STK39: variants seen among roughly 807,000 people sequenced by gnomAD.
STK39 encodes the protein STE20/SPS1-related proline-alanine-rich protein kinase.
Under a neutral mutation model 77.8 loss-of-function variants are expected in STK39, and 20 were observed. The observed-to-expected ratio is 0.26, with a 90% confidence interval of 0.18 to 0.37. The LOEUF (loss-of-function observed/expected upper bound fraction) is 0.37. Among genes scored for constraint, STK39 ranks in the 10% least tolerant of loss-of-function variants. The pLI, the probability that STK39 is intolerant of heterozygous loss-of-function variation, is 1.00. For missense variants in STK39, 479 were observed against 656.5 expected (o/e 0.73, Z 2.95); for synonymous variants, 246 against 234.1 (o/e 1.05, Z -0.47).
intron 10 of STK39, among the ~76,000 whole-genome samples, chr2:168,106,049 GC>G (rs1193466818): frequency 1.3e-5 from 2 of 152,138 alleles, no homozygotes; most frequent in Non-Finnish European, 2.9e-5. Flanking sequence ...TGCAAACTCC[GC>G]CTCCCAGATG....
chr2:168,240,472 TGGTGG>T (rs1690730633), intron 1 of STK39, among the ~76,000 whole-genome samples: 1 of 152,036 alleles, frequency 6.6e-6, no homozygotes, highest in Non-Finnish European at 1.5e-5. Flanking sequence ...ACTAAACCAG[TGGTGG>T]CTGACATGAA....
chr2:168,159,151 G>T (rs1688508043), intron 5 of STK39, among the ~76,000 whole-genome samples: 1 of 152,042 alleles, frequency 6.6e-6, no homozygotes, highest in African/African-American at 2.4e-5. Context: ...TATTCTCAAG[G>T]TGGGCAATGT....
At chr2:168,045,193 G>A (rs1685207378) in intron 14 of STK39, among the ~76,000 whole-genome samples, 1 of 152,036 alleles carries the variant, frequency 6.6e-6, no homozygotes, top group Non-Finnish European at 1.5e-5. Context: ...AATCAAGTTA[G>A]TCCTAAACCT....
At position 168,138,152 on chromosome 2, in the gene STK39, TC is replaced by T; in HGVS notation, c.909del (p.Met303IlefsTer30). On this transcript the variant is annotated frameshift_variant, in exon 8 of 18. Transcript: ENST00000355999. LOFTEE classifies it high-confidence loss of function. ...LETGVEDKEMMKKYGKSFRKL... is the reference protein window; with the variant it reads ...LETGVEDKEMXKKYGKSFRKL... ...TTTCTAAAGGACTTGCCGTACTTTTTCATCATTTCTTTATCCTCTACCCCTG... is the reference window on the plus strand; with the variant it reads ...TTTCTAAAGGACTTGCCGTACTTTTTATCATTTCTTTATCCTCTACCCCTG... The T allele has an allele frequency of 6.2e-7, 1 of 1,614,054 alleles. No individual in the cohort carries two copies. Among genetic ancestry groups the T allele is most frequent in the Non-Finnish European group, 8.5e-7 (1 of 1,179,954 alleles).
chr2:168,241,929 G>A (rs1409696847), intron 1 of STK39, among the ~76,000 whole-genome samples: 1 of 152,174 alleles, frequency 6.6e-6, no homozygotes, highest in African/African-American at 2.4e-5. Context: ...GTCAGTGACC[G>A]CCATTGCAGG....
intron 1 of STK39, among the ~76,000 whole-genome samples, chr2:168,232,715 A>G (rs1690489847): frequency 6.6e-6 from 1 of 152,166 alleles, no homozygotes; most frequent in African/African-American, 2.4e-5. Context: ...GTTTCAGACC[A>G]GCCTGGCCAA....
intron 14 of STK39, among the ~76,000 whole-genome samples, chr2:168,057,130 A>C (rs1352173903): frequency 6.6e-6 from 1 of 152,216 alleles, no homozygotes; most frequent in African/African-American, 2.4e-5. Flanking sequence ...TTTATGACTT[A>C]AACAGTGTTT....
intron 16 of STK39, among the ~76,000 whole-genome samples, chr2:167,969,688 C>T (rs541131353): frequency 6.6e-6 from 1 of 152,346 alleles, no homozygotes; most frequent in South Asian, 2.1e-4. Flanking sequence ...ACCTCCGCTG[C>T]TGCTCCCCAA....
chr2:167,989,820 C>T (rs905905022), intron 16 of STK39, among the ~76,000 whole-genome samples: 10 of 151,948 alleles, frequency 6.6e-5, no homozygotes, highest in Admixed American at 6.6e-5. Flanking sequence ...AAAGAAAACA[C>T]ATCAATCACC....
At chr2:168,180,106 GGAGGCC>G (rs1689048196) in intron 2 of STK39, among the ~76,000 whole-genome samples, 2 of 152,214 alleles carry the variant, frequency 1.3e-5, no homozygotes, top group Admixed American at 1.3e-4. Flanking sequence ...CAGCACTGTG[GGAGGCC>G]GAGGCGGACA....
chr2:168,075,181 C>A lies in STK39; in HGVS notation c.1140G>T (p.Gly380=), dbSNP rs1161460549. The A allele has an allele frequency of 1.2e-6, 2 of 1,614,134 alleles. No homozygotes were observed. Among genetic ancestry groups the A allele is most frequent in the South Asian group, 2.2e-5 (2 of 91,076 alleles). ...TCTCGTCGTCACTCCACTCCCAGTC[C>A]CCGTCTTCGGTTTTATGAAGGTGAC... ...SSGHLHKTED[G]DWEWSDDEMD... is the part of the protein sequence containing the mutation. The change falls in exon 11 of 18, where the codon GGG becomes GGT. Residue 380 remains glycine, a synonymous_variant. Coordinates refer to ENST00000355999, the MANE Select transcript of STK39 (RefSeq NM_013233.3).
chr2:168,048,518 G>C (rs1386317298), intron 14 of STK39, among the ~76,000 whole-genome samples: 1 of 151,716 alleles, frequency 6.6e-6, no homozygotes, highest in Admixed American at 6.6e-5. Context: ...GGCCCGGCCC[G>C]GCCTATGCTT....
At chr2:168,081,640 G>T (rs941961345) in intron 10 of STK39, among the ~76,000 whole-genome samples, 1 of 152,124 alleles carries the variant, frequency 6.6e-6, no homozygotes. Flanking sequence ...GAGGACATGC[G>T]ATTTGGGAGG....
intron 14 of STK39, among the ~76,000 whole-genome samples, chr2:168,018,301 A>T (rs1011324659): frequency 1.3e-5 from 2 of 152,012 alleles, no homozygotes; most frequent in African/African-American, 4.8e-5. Flanking sequence ...GGAGTTCGAG[A>T]CCAGCCTAGC....
intron 10 of STK39, among the ~76,000 whole-genome samples, chr2:168,102,955 A>T (rs960135696): frequency 2.1e-3 from 319 of 148,962 alleles, no homozygotes; most frequent in Non-Finnish European, 3.0e-3. Context: ...AAAAAAAAAA[A>T]ATCTCTTCTC....
Position 168,055,328 on chromosome 2 carries a change from C to G in STK39, c.1376+8172G>C, listed in dbSNP as rs149342700. Among the ~76,000 whole-genome samples, 27 of 152,290 alleles carry G rather than the reference C, an allele frequency of 1.8e-4. No homozygotes were observed. The East Asian group carries it at 5.0e-3, about 28-fold the overall frequency. ...CCAACATCGTTTCTAACAGATTTAG[C>G]TTTCTTTATGAAATCATAATTTACT... On this transcript the variant is annotated intron_variant, in intron 14 of 17. Coordinates refer to ENST00000355999, the MANE Select transcript of STK39 (RefSeq NM_013233.3).
chr2:168,035,842 C>T (rs1199677565), intron 14 of STK39, among the ~76,000 whole-genome samples: 1 of 152,090 alleles, frequency 6.6e-6, no homozygotes, highest in Non-Finnish European at 1.5e-5. Context: ...CTTTCTTTAC[C>T]TACAAAATCC....
intron 3 of STK39, among the ~76,000 whole-genome samples, 178 bp from the exon 4 acceptor site, chr2:168,164,058 A>G (rs1158264343): frequency 6.6e-6 from 1 of 152,216 alleles, no homozygotes; most frequent in African/African-American, 2.4e-5. Flanking sequence ...ACTAAATCCA[A>G]GTTTGCAAGA....
At chr2:168,064,590 G>C (rs892134581) in intron 13 of STK39, among the ~76,000 whole-genome samples, 4 of 152,222 alleles carry the variant, frequency 2.6e-5, no homozygotes, top group Middle Eastern at 3.4e-3. Flanking sequence ...CCAATATATG[G>C]CTATTTTATA....
Sources: allele counts gnomAD v4.1 joint callset (sites outside exome capture counted in the v4.1 genomes callset), GRCh38; gene constraint gnomAD v4.1.1; transcripts MANE v1.5; gene names NCBI Gene and HGNC (gene_info 2026-07-23, HGNC 2026-07-21).